PKD1L3: variants seen among roughly 807,000 people sequenced by gnomAD.
PKD1L3 encodes polycystin-1-like protein 3.
Under a neutral mutation model 184.1 loss-of-function variants are expected in PKD1L3, and 239 were observed. That is an observed-to-expected ratio of 1.30 (90% CI 1.17 to 1.45). The LOEUF (loss-of-function observed/expected upper bound fraction) is 1.45, where lower values mean the gene tolerates loss of function less well. Ranked by LOEUF, PKD1L3 falls within the 40% of genes most tolerant of loss-of-function variation. The pLI is 0.00. For synonymous variants in PKD1L3, 996 were observed against 778.8 expected (o/e 1.28, Z -4.64); for missense variants, 2,660 against 2,067.2 (o/e 1.29, Z -5.56).
chr16:71,986,712 T>C (rs2040380909), intron 4 of PKD1L3, among the ~76,000 whole-genome samples: 1 of 152,142 alleles, frequency 6.6e-6, no homozygotes, highest in Admixed American at 6.6e-5. Flanking sequence ...TAAACATTTA[T>C]AAGTTGCTAA....
intron 19 of PKD1L3, 85 bp downstream of exon 19, chr16:71,951,479 G>C: frequency 7.4e-7 from 1 of 1,354,786 alleles, no homozygotes; most frequent in Non-Finnish European, 1.0e-6. Flanking sequence ...AGGCCTGTCG[G>C]TTATGAATGA....
intron 3 of PKD1L3, among the ~76,000 whole-genome samples, chr16:71,990,881 G>C (rs950804568): frequency 9.9e-5 from 15 of 152,110 alleles, no homozygotes; most frequent in African/African-American, 3.6e-4. Flanking sequence ...CAGAAAAAAA[G>C]TTCAGAAAGC....
chr16:71,973,416 G>A lies in PKD1L3; in HGVS notation c.1861C>T (p.Gln621Ter), dbSNP rs534541986. 1.9e-6 allele frequency: 3 copies of A among 1,551,646 alleles called. No individual in the cohort carries two copies. The highest frequency in any genetic ancestry group is 2.6e-6 in the Non-Finnish European group (3 of 1,147,000). The change falls in exon 12 of 30, where the codon CAG (glutamine) becomes TAG (stop). Residue 621 changes from glutamine to a stop codon, truncating the protein, a stop_gained. Transcript: ENST00000620267. LOFTEE classifies it high-confidence loss of function. ...ATGACCGAGACCAAGCTGGGTGTCTGCTGAGCACCCTCCTGCCTCTCACTC... is the reference window on the plus strand; with the variant it reads ...ATGACCGAGACCAAGCTGGGTGTCTACTGAGCACCCTCCTGCCTCTCACTC... ...VLSERQEGAQ[Q>*]TPSLVSVITA...
rs1408947181 is a variant in PKD1L3, at chr16:71,963,341, G to A, written c.2476C>T (p.Gln826Ter). The A allele has an allele frequency of 6.5e-7, 1 of 1,549,016 alleles. No homozygotes were observed. The highest frequency in any genetic ancestry group is 2.4e-5 in the East Asian group (1 of 40,862). Residue 826 changes from glutamine (Q) to a stop codon, truncating the protein, a stop_gained, in exon 16 of 30, where the codon CAG (glutamine) becomes TAG (stop). Coordinates refer to ENST00000620267, the MANE Select transcript of PKD1L3 (RefSeq NM_181536.2). LOFTEE classifies it high-confidence loss of function. The stretch of plus-strand genomic sequence containing the variant: ...ACTGCCATGTCACAGACAATTACCT[G>A]GCTGACATACCTATAGTAAAATGAA... ...SGVSPSWYVS[Q>*]VIVCDMAVKR... is the part of the protein sequence containing the mutation.
chr16:71,977,135 C>T, intron 11 of PKD1L3, 101 bp downstream of exon 11: 1 of 883,800 alleles, frequency 1.1e-6, no homozygotes, highest in Non-Finnish European at 1.8e-6. Flanking sequence ...ATCCCCTGAG[C>T]CTGACAGTTT....
At position 71,942,751 on chromosome 16, in the gene PKD1L3, A is replaced by G; in HGVS notation, c.4133T>C (p.Val1378Ala). 1 of 1,551,688 alleles carries G rather than the reference A, an allele frequency of 6.4e-7. No homozygotes were observed. Among genetic ancestry groups the G allele is most frequent in the East Asian group, 2.4e-5 (1 of 40,922 alleles). ...QIPRTKTYEK[V>A]DEGQLAFCDN... ...ACAAAACGCCAGCTGACCTTCGTCC[A>G]CTTTCTCATAGGTCTTGGTACGGGG... Residue 1378 changes from valine (V) to alanine (A), a missense_variant, in exon 24 of 30, where the codon GTG (valine) becomes GCG (alanine). Physicochemically the swap from Val to Ala is moderately conservative, Grantham distance 64. Coordinates refer to ENST00000620267, the MANE Select transcript of PKD1L3 (RefSeq NM_181536.2).
rs2038210940 is a variant in PKD1L3, at chr16:71,937,221, A to G, written c.4452+71T>C. On this transcript the variant is annotated intron_variant, in intron 25 of 29. Coordinates refer to ENST00000620267, the MANE Select transcript of PKD1L3 (RefSeq NM_181536.2). Reference sequence around the variant, plus strand: ...CAGGTGCATGCCACCACACCTGGGTAATTTTTGTAGTCTGGTAAAGATGAG... The same window carrying G: ...CAGGTGCATGCCACCACACCTGGGTGATTTTTGTAGTCTGGTAAAGATGAG... 2.7e-6 allele frequency: 4 copies of G among 1,454,736 alleles called. No individual in the cohort carries two copies. In the South Asian group the frequency reaches 3.9e-5, roughly 14 times the overall value. The allele number at this position is 1,454,736 out of a possible 1,614,324, so 90.1% of individuals were successfully genotyped here.
Position 71,942,595 on chromosome 16 carries a change from C to T in PKD1L3, c.4289G>A (p.Ser1430Asn), listed in dbSNP as rs1386115887. The T allele has an allele frequency of 4.5e-6, 7 of 1,551,496 alleles. No homozygotes were observed. In the Admixed American group the frequency reaches 5.9e-5, roughly 13 times the overall value. Residue 1430 changes from serine (S) to asparagine (N), a missense_variant, in exon 24 of 30, where the codon AGC (serine) becomes AAC (asparagine). Transcript: ENST00000620267. ...PTDELHERLT[S>N]KNENGFSYIM... ...GTAACTGAATCCATTCTCATTCTTGCTTGTCAGCCTTTCGTGAAGCTCATC... is the reference window on the plus strand; with the variant it reads ...GTAACTGAATCCATTCTCATTCTTGTTTGTCAGCCTTTCGTGAAGCTCATC...
At chr16:71,987,468 G>A (rs2040417658) in intron 4 of PKD1L3, among the ~76,000 whole-genome samples, 2 of 152,162 alleles carry the variant, frequency 1.3e-5, no homozygotes, top group East Asian at 1.9e-4. Context: ...CCTCTTCCCG[G>A]TTCAAGCAAT....
At chr16:71,972,798 C>A (rs1461518282) in intron 12 of PKD1L3, among the ~76,000 whole-genome samples, 1 of 152,152 alleles carries the variant, frequency 6.6e-6, no homozygotes, top group Admixed American at 6.5e-5. Flanking sequence ...TTTGAGCAAC[C>A]AAACCAGGAC....
chr16:71,933,436 A>AT lies in PKD1L3; in HGVS notation c.4909dup (p.Ile1637AsnfsTer32). On this transcript the variant is annotated frameshift_variant, in exon 28 of 30. Coordinates refer to ENST00000620267, the MANE Select transcript of PKD1L3 (RefSeq NM_181536.2). LOFTEE classifies it high-confidence loss of function. ...TATTTTTACCTCCTCTTGGTGAGAA[A>AT]TTCCCATCAGGAGACCAACAACAGT... 1.9e-6 allele frequency: 3 copies of AT among 1,546,836 alleles called. No individual in the cohort carries two copies. The highest frequency in any genetic ancestry group is 2.6e-6 in the Non-Finnish European group (3 of 1,142,556).
intron 3 of PKD1L3, among the ~76,000 whole-genome samples, chr16:71,992,246 C>CA (rs1465237699): frequency 6.6e-6 from 1 of 152,144 alleles, no homozygotes; most frequent in Non-Finnish European, 1.5e-5. Flanking sequence ...AATTGCCCCA[C>CA]AATAAGGCAG....
intron 5 of PKD1L3, 135 bp downstream of exon 5, chr16:71,986,086 G>T: frequency 8.4e-7 from 1 of 1,191,022 alleles, no homozygotes; most frequent in Non-Finnish European, 1.2e-6. Flanking sequence ...GACTTGTTTA[G>T]TTTTTGTTTT....
At chr16:71,957,930 C>A (rs947123368) in intron 16 of PKD1L3, among the ~76,000 whole-genome samples, 2 of 152,182 alleles carry the variant, frequency 1.3e-5, no homozygotes, top group East Asian at 1.9e-4. Context: ...TTCTTACAAG[C>A]CAAGTGGAAG....
chr16:71,963,417 T>C, intron 15 of PKD1L3, 66 bp from the exon 16 acceptor site: 1 of 1,417,442 alleles, frequency 7.1e-7, no homozygotes, highest in South Asian at 1.5e-5. Flanking sequence ...TAGTAAGACG[T>C]AATCTCAGAC....
rs371345441 is a variant in PKD1L3, at chr16:71,982,273, G to C, written c.967-38C>G. ...GAAAGCAAACATACACCCTTGAATT[G>C]TTTGCTTTTTTTTTTTTTTTTTTTT... On this transcript the variant is annotated intron_variant, in intron 6 of 29. Transcript: ENST00000620267. 4.9e-3 allele frequency: 2,601 copies of C among 534,598 alleles called. 8 individuals carry two copies. Among genetic ancestry groups the C allele is most frequent in the Middle Eastern group, 0.012 (19 of 1,632 alleles). 33.1% of individuals were successfully genotyped at this position (534,598 alleles called of 1,614,324 possible).
rs1345335410 is a variant in PKD1L3, at chr16:71,935,490, C to T, written c.4481G>A (p.Arg1494Lys). The stretch of plus-strand genomic sequence containing the variant: ...AATGTTTCTTTTCCCAGTGAAGAAC[C>T]TCCACTTCTGCTGTTTCAGCTGACA... ...QGCQLKQQKWRFFTGKRNILD... is the reference protein window; with the variant it reads ...QGCQLKQQKWKFFTGKRNILD... The change falls in exon 26 of 30, where the codon AGG becomes AAG. Residue 1494 changes from arginine (R) to lysine (K), a missense_variant. Transcript: ENST00000620267. The T allele has an allele frequency of 6.4e-7, 1 of 1,552,120 alleles. No homozygotes were observed. Among genetic ancestry groups the T allele is most frequent in the African/African-American group, 1.4e-5 (1 of 73,144 alleles).
chr16:71,970,035 A>G lies in PKD1L3; in HGVS notation c.2024T>C (p.Phe675Ser), dbSNP rs1426948760. ...CNHLTFFASD[F>S]FVVPRTVNVE... Reference sequence around the variant, plus strand: ...ATTCACGGTCCTGGGCACGACAAAGAAGTCGCTGGCAAAGAAGGTCAGGTG... The same window carrying G: ...ATTCACGGTCCTGGGCACGACAAAGGAGTCGCTGGCAAAGAAGGTCAGGTG... Residue 675 changes from phenylalanine (F) to serine (S), a missense_variant, in exon 13 of 30, where the codon TTC (phenylalanine) becomes TCC (serine). Transcript: ENST00000620267. 2 of 1,551,676 alleles carry G rather than the reference A, an allele frequency of 1.3e-6. No homozygotes were observed. The highest frequency in any genetic ancestry group is 2.4e-5 in the East Asian group (1 of 40,906).
At chr16:71,963,100 T>C (rs1263972472) in intron 16 of PKD1L3, 105 bp downstream of exon 16, 106 of 1,218,614 alleles carry the variant, frequency 8.7e-5, no homozygotes, top group Non-Finnish European at 1.2e-4. Context: ...TTTGAAATAA[T>C]ACATTAATAA....
Sources: allele counts gnomAD v4.1 joint callset (sites outside exome capture counted in the v4.1 genomes callset), GRCh38; gene constraint gnomAD v4.1.1; transcripts MANE v1.5; gene names NCBI Gene and HGNC (gene_info 2026-07-23, HGNC 2026-07-21).